Variants in PLEKHA4 observed in about 807,000 individuals in gnomAD.
The protein encoded by PLEKHA4 is pleckstrin homology domain containing A4.
PLEKHA4 carries 73 observed loss-of-function variants against 94.7 expected under a neutral mutation model. The ratio of observed to expected loss-of-function variants is 0.77; its 90% CI spans 0.64 to 0.94. The LOEUF (loss-of-function observed/expected upper bound fraction) is 0.94. Ranked by LOEUF, PLEKHA4 falls within the 40% of genes least tolerant of loss-of-function variation. The pLI, the probability that PLEKHA4 is intolerant of heterozygous loss-of-function variation, is 0.00. For synonymous variants in PLEKHA4, 449 were observed against 437.1 expected, an observed-to-expected ratio of 1.03 and a Z score of -0.34; for missense variants, 1,049 against 1,054.1, an observed-to-expected ratio of 1.00 and a Z score of 0.07.
intron 13 of PLEKHA4, among the ~76,000 whole-genome samples, chr19:48,848,346 C>A (rs4994603): frequency 0.045 from 6,778 of 151,108 alleles, 493 homozygotes; most frequent in African/African-American, 0.15. Context: ...ATTAGCCGGG[C>A]GTAGTGGCGG....
chr19:48,845,414 T>G lies in PLEKHA4; in HGVS notation c.1699A>C (p.Ser567Arg). 9 of 1,613,756 alleles carry G rather than the reference T, an allele frequency of 5.6e-6. No homozygotes were observed. The highest frequency in any genetic ancestry group is 7.6e-6 in the Non-Finnish European group (9 of 1,180,018). Residue 567 changes from serine (S) to arginine (R), a missense_variant, in exon 16 of 20, where the codon AGC becomes CGC. Physicochemically the swap from Ser to Arg is moderately radical, Grantham distance 110. Transcript: ENST00000263265. ...GAAGGGAGGTGGCGACCCTCAGGGC[T>G]GGAAGCCCGGGAGACCCTCGGAGAC... The part of the protein sequence containing the change: ...LGSPRVSRAS[S>R]PEGRHLPSPQ...
chr19:48,842,635 G>A (rs972916724), intron 16 of PLEKHA4, among the ~76,000 whole-genome samples: 10 of 152,146 alleles, frequency 6.6e-5, no homozygotes, highest in African/African-American at 2.2e-4. Context: ...TAGATAAGAT[G>A]AGCCCCAAGC....
rs888221818 is a variant in PLEKHA4, at chr19:48,837,221, T to C, written c.*68A>G. 2 of 1,610,400 alleles carry C rather than the reference T, an allele frequency of 1.2e-6. No individual in the cohort carries two copies. The highest frequency in any genetic ancestry group is 4.5e-5 in the East Asian group (2 of 44,834). On this transcript the variant is annotated 3_prime_UTR_variant, in exon 20 of 20. Coordinates refer to ENST00000263265, the MANE Select transcript of PLEKHA4 (RefSeq NM_020904.3). This position sits in a 1 kb window ranked among gnomAD's most constrained non-coding sequence, Gnocchi z 4.3. ...CCACGCCCCCTGATGCCCTGAGTGG[T>C]CCCAGATCTCCGGCGGTACCTCCAG...
intron 14 of PLEKHA4, 103 bp downstream of exon 14, chr19:48,847,797 T>G: frequency 7.5e-7 from 1 of 1,330,848 alleles, no homozygotes; most frequent in Non-Finnish European, 1.0e-6. Context: ...ACCAGGTGGG[T>G]TAGCTGATCA....
At chr19:48,846,586 G>A (rs539136122) in intron 14 of PLEKHA4, among the ~76,000 whole-genome samples, 2 of 151,868 alleles carry the variant, frequency 1.3e-5, no homozygotes, top group African/African-American at 2.4e-5. Context: ...AGGCAACATA[G>A]GGAGACCCCG....
intron 18 of PLEKHA4, chr19:48,838,360 C>T (rs1355040504): frequency 9.5e-6 from 3 of 316,292 alleles, no homozygotes; most frequent in South Asian, 7.6e-5. Flanking sequence ...TACCCTATTC[C>T]CGATGATGTG....
At position 48,841,892 on chromosome 19, in the gene PLEKHA4, G is replaced by T. The variant is rs141789534; in HGVS notation, c.1744-582C>A. 1.2e-3 allele frequency among the ~76,000 whole-genome samples: 181 copies of T among 152,304 alleles called. 1 individual carries two copies. Among genetic ancestry groups the T allele is most frequent in the African/African-American group, 4.0e-3 (168 of 41,580 alleles). On this transcript the variant is annotated intron_variant, in intron 16 of 19. Transcript: ENST00000263265. Reference sequence around the variant, plus strand: ...GCCCAGGAGTTCAAGGCTTCAGGGAGCTATGATCGTGCCACTGCACCTCAC... The same window carrying T: ...GCCCAGGAGTTCAAGGCTTCAGGGATCTATGATCGTGCCACTGCACCTCAC...
Position 48,867,281 on chromosome 19 carries a change from G to A in PLEKHA4, c.84+256C>T, listed in dbSNP as rs924575716. Among the ~76,000 whole-genome samples the A allele has an allele frequency of 1.3e-5, 2 of 152,122 alleles. No homozygotes were observed. The highest frequency in any genetic ancestry group is 1.9e-4 in the East Asian group (1 of 5,200). ...TCGAGGGGCCTCATGGCTGGGGAGCGGCTTTATCTTAGCAACCAGGGTCAA... is the reference window on the plus strand; with the variant it reads ...TCGAGGGGCCTCATGGCTGGGGAGCAGCTTTATCTTAGCAACCAGGGTCAA... On this transcript the variant is annotated intron_variant, in intron 2 of 19. Coordinates refer to ENST00000263265, the MANE Select transcript of PLEKHA4 (RefSeq NM_020904.3). The surrounding 1 kb of genome is among the most constrained non-coding windows in gnomAD (Gnocchi z 4.7).
chr19:48,841,591 C>T (rs367959800), intron 16 of PLEKHA4, among the ~76,000 whole-genome samples: 10 of 152,158 alleles, frequency 6.6e-5, no homozygotes, highest in Admixed American at 2.6e-4. Context: ...CACGCCACTG[C>T]ACTCCAGCTG....
chr19:48,848,969 A>G (rs2036080586), intron 13 of PLEKHA4, among the ~76,000 whole-genome samples: 2 of 151,462 alleles, frequency 1.3e-5, no homozygotes, highest in East Asian at 4.0e-4. Flanking sequence ...GCTTGATCAT[A>G]GCTCACTGCA....
intron 9 of PLEKHA4, among the ~76,000 whole-genome samples, chr19:48,855,857 T>C (rs904043552): frequency 3.3e-5 from 5 of 151,394 alleles, no homozygotes; most frequent in Non-Finnish European, 7.4e-5. Flanking sequence ...GGCAAAACCC[T>C]GTCTCTACAA....
intron 8 of PLEKHA4, among the ~76,000 whole-genome samples, 194 bp downstream of exon 8, chr19:48,858,666 A>G (rs532701866): frequency 1.1e-4 from 17 of 149,256 alleles, no homozygotes; most frequent in Non-Finnish European, 1.6e-4. Flanking sequence ...AGACCAGCCT[A>G]GAAAGACAGC....
At chr19:48,852,424 T>A in intron 12 of PLEKHA4, 98 bp from the exon 13 acceptor site, 1 of 947,644 alleles carries the variant, frequency 1.1e-6, no homozygotes, top group Non-Finnish European at 1.7e-6. Flanking sequence ...ATAAGGGAGT[T>A]TGGTCCCTGG....
chr19:48,860,650 T>G (rs1002669156), intron 5 of PLEKHA4, among the ~76,000 whole-genome samples, 191 bp from the exon 6 acceptor site: 6 of 151,014 alleles, frequency 4.0e-5, no homozygotes, highest in Non-Finnish European at 5.9e-5. Flanking sequence ...TACAAAAAAA[T>G]CAAAAAATTA....
At chr19:48,856,444 G>C (rs866300751) in intron 9 of PLEKHA4, among the ~76,000 whole-genome samples, 1 of 123,634 alleles carries the variant, frequency 8.1e-6, no homozygotes, top group African/African-American at 2.6e-5. Context: ...GTTGGGCCAG[G>C]CGCAGTGGCT....
At position 48,852,303 on chromosome 19, in the gene PLEKHA4, C is replaced by T. The variant is rs151078699; in HGVS notation, c.1350G>A (p.Thr450=). The T allele has an allele frequency of 2.3e-4, 371 of 1,614,006 alleles. 2 individuals carry two copies. The African/African-American group carries it at 4.5e-3, about 20-fold the overall frequency. The change falls in exon 13 of 20, where the codon ACG becomes ACA. Residue 450 remains threonine, a synonymous_variant. Transcript: ENST00000263265. ...LTQERERVWD[T]YSGLEQELGT... ...CCAGCTCCTGCTCCAGGCCACTGTA[C>T]GTGTCCCAAACCCTCTCTCGCTCCT...
intron 13 of PLEKHA4, among the ~76,000 whole-genome samples, chr19:48,848,384 G>A (rs2036050430): frequency 6.6e-6 from 1 of 151,002 alleles, no homozygotes; most frequent in Non-Finnish European, 1.5e-5. Flanking sequence ...TACTTGGGAG[G>A]CTGAGGCAGG....
chr19:48,838,131 T>C lies in PLEKHA4; in HGVS notation c.1965-2A>G. The C allele has an allele frequency of 6.5e-7, 1 of 1,535,896 alleles. No homozygotes were observed. The highest frequency in any genetic ancestry group is 8.8e-7 in the Non-Finnish European group (1 of 1,140,298). ...AAGTAAGGGGTGGTGTTCCTTGGAC[T>C]AGAAAAAAAAAGAAGATTGGGGGTG... On this transcript the variant is annotated splice_acceptor_variant, in intron 18 of 19. Coordinates refer to ENST00000263265, the MANE Select transcript of PLEKHA4 (RefSeq NM_020904.3). LOFTEE classifies it high-confidence loss of function.
At chr19:48,856,294 G>A (rs895165991) in intron 9 of PLEKHA4, among the ~76,000 whole-genome samples, 1 of 150,342 alleles carries the variant, frequency 6.7e-6, no homozygotes, top group African/African-American at 2.4e-5. Context: ...AAGAAAGAAA[G>A]GAAGGAAGGC....
Sources: gnomAD v4.1 joint callset for allele counts (sites outside exome capture counted in the v4.1 genomes callset) on GRCh38, gnomAD v4.1.1 for gene constraint, Gnocchi (gnomAD v3.1) non-coding constraint, MANE v1.5 for transcripts, NCBI Gene and HGNC (gene_info 2026-07-23, HGNC 2026-07-21) for gene names.